CHRM3: variants seen among roughly 807,000 people sequenced by gnomAD.
The protein encoded by CHRM3 is muscarinic acetylcholine receptor M3.
Under a neutral mutation model 41.8 loss-of-function variants are expected in CHRM3, and 11 were observed. The ratio of observed to expected loss-of-function variants is 0.26; its 90% CI spans 0.17 to 0.44. CHRM3 has a LOEUF of 0.44. Among genes scored for constraint, CHRM3 ranks in the 20% least tolerant of loss-of-function variants. CHRM3 has a pLI of 1.00. For synonymous variants in CHRM3, 297 were observed against 301.4 expected, an observed-to-expected ratio of 0.99 and a Z score of 0.15; for missense variants, 571 against 745.4, an observed-to-expected ratio of 0.77 and a Z score of 2.72.
intron 2 of CHRM3, among the ~76,000 whole-genome samples, chr1:239,494,218 C>G (rs1667736841): frequency 6.6e-6 from 1 of 152,030 alleles, no homozygotes; most frequent in Non-Finnish European, 1.5e-5. Context: ...TGTAAACTGC[C>G]ATGATGCTAG....
chr1:239,776,615 G>A (rs1270265424), intron 5 of CHRM3, among the ~76,000 whole-genome samples: 4 of 152,040 alleles, frequency 2.6e-5, no homozygotes, highest in South Asian at 2.1e-4. Context: ...GAAAAAATTC[G>A]CTAAATGAGG....
intron 4 of CHRM3, among the ~76,000 whole-genome samples, chr1:239,648,800 A>G (rs981499904): frequency 1.3e-5 from 2 of 152,184 alleles, no homozygotes; most frequent in Non-Finnish European, 2.9e-5. Flanking sequence ...TTATATGTAT[A>G]AAATCTTCTG....
intron 4 of CHRM3, among the ~76,000 whole-genome samples, chr1:239,677,144 T>C (rs1162798360): frequency 6.6e-6 from 1 of 152,184 alleles, no homozygotes; most frequent in Non-Finnish European, 1.5e-5. Context: ...CTCTGCTCCT[T>C]GAACTGGCAA....
At chr1:239,465,631 A>T (rs1044127788) in intron 1 of CHRM3, among the ~76,000 whole-genome samples, 7 of 152,128 alleles carry the variant, frequency 4.6e-5, no homozygotes, top group African/African-American at 1.7e-4. Context: ...GAACTGGGTA[A>T]GGTGAGGGGT....
intron 4 of CHRM3, among the ~76,000 whole-genome samples, chr1:239,656,467 AAG>A (rs1491540696): frequency 1.2e-4 from 17 of 145,526 alleles, no homozygotes; most frequent in Non-Finnish European, 1.6e-4. Flanking sequence ...CTAAAAAAAA[AAG>A]AAAAAAGAAA....
chr1:239,859,990 C>A (rs926929678), intron 6 of CHRM3, among the ~76,000 whole-genome samples: 2 of 152,032 alleles, frequency 1.3e-5, no homozygotes, highest in African/African-American at 4.8e-5. Flanking sequence ...TGAAACCAAG[C>A]CTCCAACAAT....
At chr1:239,796,087 T>A (rs1438100766) in intron 5 of CHRM3, among the ~76,000 whole-genome samples, 1 of 152,184 alleles carries the variant, frequency 6.6e-6, no homozygotes, top group Non-Finnish European at 1.5e-5. Flanking sequence ...CTATTATAGT[T>A]TATTCTACGA....
At chr1:239,681,146 T>C (rs1429225645) in intron 5 of CHRM3, among the ~76,000 whole-genome samples, 1 of 152,112 alleles carries the variant, frequency 6.6e-6, no homozygotes, top group East Asian at 1.9e-4. Flanking sequence ...CCTGGGTCCC[T>C]CCCGCAACAC....
chr1:239,642,389 A>C lies in CHRM3; in HGVS notation c.-250+10103A>C, dbSNP rs186858447. On this transcript the variant is annotated intron_variant, in intron 4 of 6. Coordinates refer to ENST00000676153, the MANE Select transcript of CHRM3 (RefSeq NM_001375978.1). ...CCAACTTGGTTCCATTCTCCCCGTCACTTTCAGGTACACCAATCAGATGTA... is the reference window on the plus strand; with the variant it reads ...CCAACTTGGTTCCATTCTCCCCGTCCCTTTCAGGTACACCAATCAGATGTA... Among the ~76,000 whole-genome samples the C allele has an allele frequency of 1.3e-5, 2 of 152,184 alleles. 1 individual carries two copies. Among genetic ancestry groups the C allele is most frequent in the South Asian group, 4.1e-4 (2 of 4,822 alleles).
At chr1:239,540,582 G>T (rs1405254123) in intron 2 of CHRM3, among the ~76,000 whole-genome samples, 1 of 152,098 alleles carries the variant, frequency 6.6e-6, no homozygotes, top group Non-Finnish European at 1.5e-5. Flanking sequence ...ACATAAATTT[G>T]AATTCAAGGA....
chr1:239,899,692 C>T (rs556543513), intron 6 of CHRM3: 50 of 151,996 alleles, frequency 3.3e-4, no homozygotes, highest in African/African-American at 1.0e-3. Context: ...CTAAGTATAT[C>T]GTATATATAT....
intron 1 of CHRM3, among the ~76,000 whole-genome samples, chr1:239,450,998 C>G (rs1446512579): frequency 6.6e-6 from 1 of 152,100 alleles, no homozygotes; most frequent in Non-Finnish European, 1.5e-5. Context: ...AAGGCTGACA[C>G]GAGCTATGAT....
chr1:239,629,302 G>T (rs1669490235), intron 3 of CHRM3: 1 of 124,330 alleles, frequency 8.0e-6, no homozygotes, highest in Non-Finnish European at 1.6e-5. Context: ...GACTCGGAAA[G>T]GGAACTCCCT....
At chr1:239,454,346 G>A (rs1407398611) in intron 1 of CHRM3, among the ~76,000 whole-genome samples, 1 of 152,166 alleles carries the variant, frequency 6.6e-6, no homozygotes, top group Non-Finnish European at 1.5e-5. Context: ...AAAGGAAACA[G>A]ATGAACAGCC....
At chr1:239,441,604 G>A (rs1349513433) in intron 1 of CHRM3, among the ~76,000 whole-genome samples, 1 of 152,170 alleles carries the variant, frequency 6.6e-6, no homozygotes, top group Non-Finnish European at 1.5e-5. Flanking sequence ...AAAACCAACT[G>A]TTAGCACATT....
intron 3 of CHRM3, among the ~76,000 whole-genome samples, chr1:239,624,794 A>C (rs1668855045): frequency 2.2e-5 from 1 of 46,408 alleles, no homozygotes; most frequent in Non-Finnish European, 4.1e-5. Context: ...AGGTTTGTCA[A>C]AGATCAGATA....
At chr1:239,519,606 A>AT (rs888927478) in intron 2 of CHRM3, among the ~76,000 whole-genome samples, 1 of 151,884 alleles carries the variant, frequency 6.6e-6, no homozygotes, top group African/African-American at 2.4e-5. Context: ...TAGTAGACAT[A>AT]TTTTTAACAC....
intron 1 of CHRM3, among the ~76,000 whole-genome samples, chr1:239,450,808 C>A (rs567531662): frequency 1.3e-5 from 2 of 152,320 alleles, no homozygotes; most frequent in South Asian, 2.1e-4. Flanking sequence ...ACATACATAA[C>A]AATACATAAA....
Position 239,694,841 on chromosome 1 carries a change from C to T in CHRM3, c.-147+16553C>T, listed in dbSNP as rs967625909. 2.6e-5 allele frequency among the ~76,000 whole-genome samples: 4 copies of T among 152,066 alleles called. No individual in the cohort carries two copies. The South Asian group carries it at 8.3e-4, about 32-fold the overall frequency. ...TATTTTAAAATATTAATAATATGTA[C>T]AGGTTGTTTTAATACAGGCTACACT... On this transcript the variant is annotated intron_variant, in intron 5 of 6. Transcript: ENST00000676153.
Sources: gnomAD v4.1 joint callset for allele counts (sites outside exome capture counted in the v4.1 genomes callset) on GRCh38, gnomAD v4.1.1 for gene constraint, MANE v1.5 for transcripts, NCBI Gene and HGNC (gene_info 2026-07-23, HGNC 2026-07-21) for gene names.